Variants in RNF170 observed in about 807,000 individuals in gnomAD.
RNF170 encodes E3 ubiquitin-protein ligase RNF170.
Under a neutral mutation model 32.7 loss-of-function variants are expected in RNF170, and 12 were observed. That is an observed-to-expected ratio of 0.37 (90% CI 0.24 to 0.60). RNF170 has a LOEUF of 0.60. Ranked by LOEUF, RNF170 falls within the 20% of genes least tolerant of loss-of-function variation. The pLI, the probability that RNF170 is intolerant of heterozygous loss-of-function variation, is 0.72. For synonymous variants in RNF170, 91 were observed against 103.6 expected, an observed-to-expected ratio of 0.88 and a Z score of 0.74; for missense variants, 212 against 311.2, an observed-to-expected ratio of 0.68 and a Z score of 2.40.
chr8:42,873,006 CACTTCAGCCTCCT>C (rs1256674827), intron 3 of RNF170, among the ~76,000 whole-genome samples: 1 of 152,036 alleles, frequency 6.6e-6, no homozygotes, highest in Admixed American at 6.6e-5. Flanking sequence ...GAGATCCTCC[CACTTCAGCCTCCT>C]GAGTAGCTGG....
intron 1 of RNF170, 58 bp from the exon 2 acceptor site, chr8:42,887,929 C>CTATATACTA (rs1805961578): frequency 6.8e-7 from 1 of 1,466,596 alleles, no homozygotes. Flanking sequence ...ATGAAATATA[C>CTATATACTA]TAATAAAAGC....
chr8:42,864,045 CTT>C (rs747091463), intron 5 of RNF170, among the ~76,000 whole-genome samples: 14 of 128,066 alleles, frequency 1.1e-4, no homozygotes, highest in African/African-American at 1.1e-4. Flanking sequence ...TGGAGGAATA[CTT>C]TTTTTTTTTT....
intron 2 of RNF170, among the ~76,000 whole-genome samples, chr8:42,882,834 G>A (rs1487486733): frequency 6.6e-6 from 1 of 152,118 alleles, no homozygotes; most frequent in East Asian, 1.9e-4. Flanking sequence ...GGATGAGGTG[G>A]GTGGATTGCT....
chr8:42,886,230 A>AC (rs1333844186), intron 2 of RNF170, among the ~76,000 whole-genome samples: 2 of 151,872 alleles, frequency 1.3e-5, no homozygotes, highest in Non-Finnish European at 2.9e-5. Context: ...TCTCAAAAAA[A>AC]AAAATAATAA....
At chr8:42,862,395 A>G (rs1803727100) in intron 5 of RNF170, among the ~76,000 whole-genome samples, 1 of 152,208 alleles carries the variant, frequency 6.6e-6, no homozygotes, top group Non-Finnish European at 1.5e-5. Flanking sequence ...TTGTCATATA[A>G]CATAATACAT....
At chr8:42,866,268 G>A (rs962454423) in intron 4 of RNF170, among the ~76,000 whole-genome samples, 2 of 152,088 alleles carry the variant, frequency 1.3e-5, no homozygotes, top group African/African-American at 2.4e-5. Flanking sequence ...GTGGCCAGGC[G>A]CGGTGGCTCA....
downstream of RNF170, among the ~76,000 whole-genome samples, chr8:42,851,813 G>T (rs1455550789): frequency 2.0e-5 from 3 of 152,164 alleles, no homozygotes; most frequent in Admixed American, 6.5e-5. Flanking sequence ...AATTTTATTT[G>T]TAGAGACGGG....
downstream of RNF170, chr8:42,851,021 C>G: frequency 6.5e-7 from 1 of 1,549,554 alleles, no homozygotes; most frequent in Middle Eastern, 1.9e-4. Context: ...TCAGAATGAC[C>G]TTTTAAAAAT....
intron 1 of RNF170, among the ~76,000 whole-genome samples, chr8:42,889,842 A>T (rs1285887046): frequency 1.3e-5 from 2 of 152,330 alleles, no homozygotes; most frequent in South Asian, 2.1e-4. Flanking sequence ...GAGTCAATTT[A>T]GGTTTTTATT....
chr8:42,851,043 C>A, downstream of RNF170: 1 of 1,545,912 alleles, frequency 6.5e-7, no homozygotes, highest in South Asian at 1.2e-5. Context: ...TTTGTTAGAT[C>A]ATGTCTTCCC....
chr8:42,870,938 G>A (rs1239650214), intron 3 of RNF170, among the ~76,000 whole-genome samples: 2 of 152,050 alleles, frequency 1.3e-5, no homozygotes, highest in East Asian at 3.9e-4. Context: ...GCCGGGCACG[G>A]TGGCTCACAC....
At chr8:42,892,798 C>T (rs1275231931) in intron 1 of RNF170, among the ~76,000 whole-genome samples, 2 of 151,552 alleles carry the variant, frequency 1.3e-5, no homozygotes, top group African/African-American at 4.9e-5. Context: ...ACCAGCCTGG[C>T]CAACATGGTG....
At chr8:42,865,588 G>A in intron 4 of RNF170, 99 bp from the exon 5 acceptor site, 1 of 894,480 alleles carries the variant, frequency 1.1e-6, no homozygotes, top group East Asian at 2.4e-5. Flanking sequence ...TATTTTAACA[G>A]TACCACGTTA....
rs1803173966 is a variant in RNF170 at position 42,855,376 on chromosome 8, T to A, written c.*783A>T. 1 of 660,800 alleles carries A rather than the reference T, an allele frequency of 1.5e-6. No homozygotes were observed. The highest frequency in any genetic ancestry group is 2.3e-6 in the Non-Finnish European group (1 of 443,466). The allele number at this position is 660,800 out of a possible 1,614,324, so 40.9% of individuals were successfully genotyped here. The stretch of plus-strand genomic sequence containing the variant: ...ACAGGCGCCTGCCACCACGCCTGGC[T>A]AATTTTTTGTATTTTTAGTAGAGAC... On this transcript the variant is annotated 3_prime_UTR_variant, in exon 7 of 7. Coordinates refer to ENST00000527424, the MANE Select transcript of RNF170 (RefSeq NM_030954.4).
rs1803214929 is a variant in RNF170, at chr8:42,855,938, T to C, written c.*221A>G. 4 of 1,331,766 alleles carry C rather than the reference T, an allele frequency of 3.0e-6. No homozygotes were observed. The highest frequency in any genetic ancestry group is 4.0e-6 in the Non-Finnish European group (4 of 1,003,538). 82.5% of individuals were successfully genotyped at this position (1,331,766 alleles called of 1,614,324 possible). ...ACAACATAGAATCAAGATACAACTG[T>C]AGATCATTATAATTCTAAACTTAAT... On this transcript the variant is annotated 3_prime_UTR_variant, in exon 7 of 7. Transcript: ENST00000527424.
intron 3 of RNF170, among the ~76,000 whole-genome samples, chr8:42,873,309 C>T (rs951105146): frequency 2.1e-4 from 30 of 145,760 alleles, no homozygotes; most frequent in Admixed American, 1.3e-3. Context: ...AAAAAAAAAA[C>T]GCTTATTGGA....
At chr8:42,866,200 G>T (rs1804066393) in intron 4 of RNF170, among the ~76,000 whole-genome samples, 1 of 151,946 alleles carries the variant, frequency 6.6e-6, no homozygotes, top group Non-Finnish European at 1.5e-5. Flanking sequence ...ACTTTTAGAA[G>T]AGTTTAGAAA....
intron 1 of RNF170, among the ~76,000 whole-genome samples, chr8:42,894,718 C>A (rs1399322008): frequency 6.6e-6 from 1 of 152,170 alleles, no homozygotes; most frequent in Non-Finnish European, 1.5e-5. Context: ...GAGCCCGCCA[C>A]CACGCCCGGC....
chr8:42,896,354 A>G, intron 1 of RNF170, 130 bp downstream of exon 1: 1 of 415,062 alleles, frequency 2.4e-6, no homozygotes, highest in Admixed American at 2.7e-5. Flanking sequence ...GCCCGGGGGG[A>G]AGGAGGCGGC....
Sources: allele counts gnomAD v4.1 joint callset (sites outside exome capture counted in the v4.1 genomes callset), GRCh38; gene constraint gnomAD v4.1.1; transcripts MANE v1.5; gene names NCBI Gene and HGNC (gene_info 2026-07-23, HGNC 2026-07-21).